Variants in UBE2L3 observed in about 807,000 individuals in gnomAD.
UBE2L3 encodes the protein ubiquitin conjugating enzyme E2 L3, also known as ubiquitin-conjugating enzyme E2 L3.
In UBE2L3, 1 loss-of-function variant was observed where a neutral mutation model predicts 17.8. The observed-to-expected ratio is 0.06, with a 90% CI of 0.02 to 0.27. The LOEUF (loss-of-function observed/expected upper bound fraction) is 0.27, where lower values mean the gene tolerates loss of function less well. UBE2L3 is among the 10% of genes least tolerant of loss of function. UBE2L3 has a pLI of 1.00. For synonymous variants in UBE2L3, 44 were observed against 68.5 expected, an observed-to-expected ratio of 0.64 and a Z score of 1.76; for missense variants, 40 against 192.6, an observed-to-expected ratio of 0.21 and a Z score of 4.69.
At chr22:21,598,881 C>T (rs1928702877) in intron 2 of UBE2L3, among the ~76,000 whole-genome samples, 1 of 151,620 alleles carries the variant, frequency 6.6e-6, no homozygotes, top group Non-Finnish European at 1.5e-5. Context: ...CACTCTGTCT[C>T]CCAGGCTGGA....
intron 1 of UBE2L3, among the ~76,000 whole-genome samples, chr22:21,581,207 T>C (rs922794655): frequency 1.3e-5 from 2 of 152,032 alleles, no homozygotes; most frequent in Non-Finnish European, 2.9e-5. Flanking sequence ...AGGTGAACAC[T>C]ACCATGCACA....
upstream of UBE2L3, chr22:21,567,640 C>T (rs1926698516): frequency 2.6e-6 from 4 of 1,545,254 alleles, no homozygotes; most frequent in Non-Finnish European, 3.5e-6. Flanking sequence ...CGCTCTGCTC[C>T]TGTGCCCCGC....
intron 1 of UBE2L3, among the ~76,000 whole-genome samples, chr22:21,576,597 C>A (rs1280981561): frequency 4.0e-5 from 6 of 148,764 alleles, no homozygotes; most frequent in Non-Finnish European, 3.0e-5. Flanking sequence ...CATGCCCGGC[C>A]CCCAATTTTT....
intron 1 of UBE2L3, among the ~76,000 whole-genome samples, chr22:21,580,113 C>T (rs1052205547): frequency 2.6e-5 from 4 of 151,178 alleles, no homozygotes; most frequent in Admixed American, 2.0e-4. Flanking sequence ...CTCCTGGGAT[C>T]CCACAGAGTA....
chr22:21,604,408 G>A (rs1373603682), intron 2 of UBE2L3, among the ~76,000 whole-genome samples: 1 of 152,100 alleles, frequency 6.6e-6, no homozygotes, highest in Non-Finnish European at 1.5e-5. Context: ...CTGAGAGACA[G>A]GACAATCGTT....
At chr22:21,582,767 A>G (rs1469191354) in intron 1 of UBE2L3, among the ~76,000 whole-genome samples, 1 of 151,200 alleles carries the variant, frequency 6.6e-6, no homozygotes, top group African/African-American at 2.4e-5. Flanking sequence ...CTCAGGTTCC[A>G]CCTGCCTCAG....
rs1018388677 is a variant in UBE2L3, at chr22:21,580,717, G to A, written c.28-12144G>A. Reference sequence around the variant, plus strand: ...CCCCCACCTCAGCCTCCCAAAATGCGGGATTACAGGTGTGAGCCATTGTAC... The same window carrying A: ...CCCCCACCTCAGCCTCCCAAAATGCAGGATTACAGGTGTGAGCCATTGTAC... On this transcript the variant is annotated intron_variant, in intron 1 of 3. Coordinates refer to ENST00000342192, the MANE Select transcript of UBE2L3 (RefSeq NM_003347.4). 5.3e-5 allele frequency among the ~76,000 whole-genome samples: 8 copies of A among 151,808 alleles called. No homozygotes were observed. The South Asian group carries it at 8.3e-4, about 16-fold the overall frequency.
At chr22:21,583,868 T>A (rs1484793461) in intron 1 of UBE2L3, among the ~76,000 whole-genome samples, 2 of 152,180 alleles carry the variant, frequency 1.3e-5, no homozygotes, top group Non-Finnish European at 2.9e-5. Context: ...GGTGAACTTT[T>A]TAAATTTTAA....
At chr22:21,597,051 TCA>T (rs1327561654) in intron 2 of UBE2L3, among the ~76,000 whole-genome samples, 1 of 152,008 alleles carries the variant, frequency 6.6e-6, no homozygotes, top group Non-Finnish European at 1.5e-5. Context: ...CAGTCTCGTC[TCA>T]CTGCAACCTC....
intron 1 of UBE2L3, among the ~76,000 whole-genome samples, chr22:21,570,150 T>C (rs1267650059): frequency 6.6e-6 from 1 of 152,214 alleles, no homozygotes; most frequent in Non-Finnish European, 1.5e-5. Flanking sequence ...TGTTACAGAC[T>C]TGTCTTTCCT....
chr22:21,590,417 C>T (rs1249532412), intron 1 of UBE2L3, among the ~76,000 whole-genome samples: 3 of 152,124 alleles, frequency 2.0e-5, no homozygotes, highest in Admixed American at 1.3e-4. Context: ...AGGCTTGTCT[C>T]GAACTCCTGA....
chr22:21,616,361 A>G (rs1253718491), intron 3 of UBE2L3, among the ~76,000 whole-genome samples: 1 of 152,104 alleles, frequency 6.6e-6, no homozygotes, highest in African/African-American at 2.4e-5. Flanking sequence ...GGGGATGAAA[A>G]TGTTCCAGGC....
chr22:21,560,639 C>T (rs1420383386), intron 1 of UBE2L3, among the ~76,000 whole-genome samples: 10 of 150,836 alleles, frequency 6.6e-5, no homozygotes, highest in Middle Eastern at 6.8e-3. Context: ...TTAGCAGAGA[C>T]GAGGTTTCAC....
rs141537196 is a variant in UBE2L3 at position 21,610,299 on chromosome 22, A to G, written c.124-558A>G. On this transcript the variant is annotated intron_variant, in intron 2 of 3. Transcript: ENST00000342192. Reference sequence around the variant, plus strand: ...CCATCACATTGGTGATTAGGTTTCAACATAAGATTTTTGGGGAGATACATT... The same window carrying G: ...CCATCACATTGGTGATTAGGTTTCAGCATAAGATTTTTGGGGAGATACATT... Among the ~76,000 whole-genome samples, 3 of 152,332 alleles carry G rather than the reference A, an allele frequency of 2.0e-5. No homozygotes were observed. The East Asian group carries it at 5.8e-4, about 29-fold the overall frequency.
chr22:21,596,082 T>G (rs1300718430), intron 2 of UBE2L3, among the ~76,000 whole-genome samples: 2 of 152,122 alleles, frequency 1.3e-5, no homozygotes, highest in Non-Finnish European at 2.9e-5. Flanking sequence ...GCCAGGATGG[T>G]CTCAGTCTCT....
intron 2 of UBE2L3, among the ~76,000 whole-genome samples, chr22:21,608,741 A>ATTTTTTTTTTTTT: frequency 9.1e-6 from 1 of 109,860 alleles, no homozygotes. Flanking sequence ...AATATATTTA[A>ATTTTTTTTTTTTT]TTTTTTTTTT....
intron 2 of UBE2L3, among the ~76,000 whole-genome samples, chr22:21,603,206 T>G (rs895958821): frequency 2.6e-5 from 4 of 152,050 alleles, no homozygotes; most frequent in Non-Finnish European, 5.9e-5. Flanking sequence ...GAAAATCCAC[T>G]TTAAAACCGG....
chr22:21,612,643 CTTTTTTTTTTTTTTTT>C (rs57678378), intron 3 of UBE2L3, among the ~76,000 whole-genome samples: 3 of 52,490 alleles, frequency 5.7e-5, no homozygotes, highest in African/African-American at 1.3e-4. Flanking sequence ...CTTTTCTTTT[CTTTTTTTTTTTTTTTT>C]TTTTTTTTTT....
chr22:21,616,165 A>G (rs1327303743), intron 3 of UBE2L3, among the ~76,000 whole-genome samples: 5 of 152,226 alleles, frequency 3.3e-5, no homozygotes, highest in African/African-American at 1.2e-4. Flanking sequence ...CTTAGGAGCA[A>G]TGATTCAGTA....
Sources: allele counts gnomAD v4.1 joint callset (sites outside exome capture counted in the v4.1 genomes callset), GRCh38; gene constraint gnomAD v4.1.1; transcripts MANE v1.5; gene names NCBI Gene and HGNC (gene_info 2026-07-23, HGNC 2026-07-21).